PLXDC1: variants seen among roughly 807,000 people sequenced by gnomAD.
PLXDC1 encodes plexin domain containing 1, also known as plexin domain-containing protein 1.
PLXDC1 carries 39 observed loss-of-function variants against 61.3 expected under a neutral mutation model. That is an observed-to-expected ratio of 0.64 (90% CI 0.49 to 0.83). The LOEUF (loss-of-function observed/expected upper bound fraction) is 0.83, where lower values mean the gene tolerates loss of function less well. Among genes scored for constraint, PLXDC1 ranks in the 40% least tolerant of loss-of-function variants. The pLI, the probability that PLXDC1 is intolerant of heterozygous loss-of-function variation, is 0.00. For missense variants in PLXDC1, 596 were observed against 666.5 expected (o/e 0.89, Z 1.17); for synonymous variants, 212 against 254.5 (o/e 0.83, Z 1.59).
chr17:39,101,485 C>T (rs1049512755), intron 7 of PLXDC1, among the ~76,000 whole-genome samples: 4 of 152,116 alleles, frequency 2.6e-5, no homozygotes, highest in East Asian at 1.9e-4. Flanking sequence ...AAAAGGGAGA[C>T]GGAGAAGAAG....
intron 2 of PLXDC1, among the ~76,000 whole-genome samples, chr17:39,125,254 C>G (rs1911280771): frequency 1.3e-5 from 2 of 152,226 alleles, no homozygotes; most frequent in Non-Finnish European, 2.9e-5. Flanking sequence ...GGAAGTATGT[C>G]CCCTGGTATA....
At chr17:39,144,544 G>A (rs941928632) in intron 1 of PLXDC1, among the ~76,000 whole-genome samples, 3 of 152,234 alleles carry the variant, frequency 2.0e-5, no homozygotes, top group Non-Finnish European at 2.9e-5. Context: ...ACTCATGAAA[G>A]AAGCCAACAC....
intron 9 of PLXDC1, among the ~76,000 whole-genome samples, chr17:39,082,561 C>T: frequency 1.9e-5 from 1 of 53,146 alleles, no homozygotes; most frequent in Non-Finnish European, 4.0e-5. Flanking sequence ...GCAAAACTCT[C>T]TCAAAAAAAA....
intron 7 of PLXDC1, among the ~76,000 whole-genome samples, chr17:39,099,688 G>GA (rs1567760543): frequency 2.0e-5 from 3 of 152,188 alleles, no homozygotes; most frequent in Non-Finnish European, 4.4e-5. Flanking sequence ...ATAGCTGTGT[G>GA]ACCAAGGATA....
At position 39,066,129 on chromosome 17, in the gene PLXDC1, C is replaced by A. The variant is rs1163480326; in HGVS notation, c.*1711G>T. ...ACTTGTCTTTAATGCCTATAAAATC[C>A]AGTTCAGAGGAGGAAAAATATTTAT... On this transcript the variant is annotated 3_prime_UTR_variant, in exon 14 of 14. Coordinates refer to ENST00000315392, the MANE Select transcript of PLXDC1 (RefSeq NM_020405.5). The A allele has an allele frequency of 2.0e-5, 3 of 152,234 alleles. No homozygotes were observed. Among genetic ancestry groups the A allele is most frequent in the African/African-American group, 7.2e-5 (3 of 41,428 alleles). 9.4% of individuals were successfully genotyped at this position (152,234 alleles called of 1,614,324 possible).
At chr17:39,107,854 T>G (rs1910653863) in intron 5 of PLXDC1, 1 of 570,310 alleles carries the variant, frequency 1.8e-6, no homozygotes, top group South Asian at 2.1e-5. Flanking sequence ...GACATCCTGG[T>G]GAATGTAAGT....
chr17:39,117,542 G>A (rs1027371268), intron 2 of PLXDC1, among the ~76,000 whole-genome samples: 1 of 151,486 alleles, frequency 6.6e-6, no homozygotes, highest in Non-Finnish European at 1.5e-5. Flanking sequence ...ACCAGCTTGG[G>A]CAACATAGTG....
At chr17:39,102,705 T>TACACACACACACACACACACACACAC (rs553513409) in intron 7 of PLXDC1, among the ~76,000 whole-genome samples, 4 of 136,052 alleles carry the variant, frequency 2.9e-5, no homozygotes, top group African/African-American at 1.1e-4. Context: ...TGCTATCAAA[T>TACACACACACACACACACACACACAC]ACACACACAC....
At position 39,139,700 on chromosome 17, in the gene PLXDC1, C is replaced by T. The variant is rs1320179831; in HGVS notation, c.209G>A (p.Gly70Asp). ...TGGCAGCGTGTCCATGGCCAGGGTGCCCCCACCCAGGTCCTGGCTCAGCTG... is the reference window on the plus strand; with the variant it reads ...TGGCAGCGTGTCCATGGCCAGGGTGTCCCCACCCAGGTCCTGGCTCAGCTG... Reference protein sequence around the residue: ...RTQLSQDLGGGTLAMDTLPDN... With the variant: ...RTQLSQDLGGDTLAMDTLPDN... The change falls in exon 2 of 14, where the codon GGC becomes GAC. Residue 70 changes from glycine to aspartate, a missense_variant. Physicochemically the swap from Gly to Asp is moderately conservative, Grantham distance 94 (BLOSUM62 -1). Coordinates refer to ENST00000315392, the MANE Select transcript of PLXDC1 (RefSeq NM_020405.5). 3 of 1,613,792 alleles carry T rather than the reference C, an allele frequency of 1.9e-6. No individual in the cohort carries two copies. The highest frequency in any genetic ancestry group is 4.5e-5 in the East Asian group (2 of 44,880).
rs1469586371 is a variant in PLXDC1 at position 39,139,664 on chromosome 17, G to A, written c.245C>T (p.Thr82Ile). The A allele has an allele frequency of 3.1e-6, 5 of 1,612,688 alleles. No homozygotes were observed. The highest frequency in any genetic ancestry group is 4.2e-6 in the Non-Finnish European group (5 of 1,179,482). ...LAMDTLPDNR[T>I]RVVEDNHSYY... The stretch of plus-strand genomic sequence containing the variant: ...TCCTCCAGCACTCACCACCACCCTG[G>A]TCCTGTTATCTGGCAGCGTGTCCAT... Residue 82 changes from threonine (T) to isoleucine (I), a missense_variant, in exon 2 of 14, where the codon ACC becomes ATC. Thr to Ile is a moderately conservative substitution (Grantham distance 89, BLOSUM62 -1). Transcript: ENST00000315392.
chr17:39,075,953 C>A (rs1909311748), intron 11 of PLXDC1, among the ~76,000 whole-genome samples: 1 of 152,004 alleles, frequency 6.6e-6, no homozygotes, highest in Non-Finnish European at 1.5e-5. Context: ...TGGTGTGCAC[C>A]TGTAGTCCCA....
chr17:39,132,930 A>C (rs1911612524), intron 2 of PLXDC1, among the ~76,000 whole-genome samples: 1 of 152,126 alleles, frequency 6.6e-6, no homozygotes, highest in South Asian at 2.1e-4. Context: ...CAGCTGTGAT[A>C]CCAGATGAAC....
At chr17:39,110,613 G>A (rs986750671) in intron 2 of PLXDC1, among the ~76,000 whole-genome samples, 4 of 152,212 alleles carry the variant, frequency 2.6e-5, no homozygotes, top group East Asian at 3.9e-4. Context: ...AGGTGGGGCC[G>A]CTGACCTGTG....
chr17:39,110,685 A>T (rs760701697), intron 2 of PLXDC1, among the ~76,000 whole-genome samples: 4 of 152,210 alleles, frequency 2.6e-5, no homozygotes, highest in Non-Finnish European at 5.9e-5. Context: ...AGCAGAGTAA[A>T]CGACATTCTC....
At position 39,107,059 on chromosome 17, in the gene PLXDC1, C is replaced by T. The variant is rs546731232; in HGVS notation, c.711+348G>A. 7.0e-4 allele frequency among the ~76,000 whole-genome samples: 107 copies of T among 152,236 alleles called. 1 individual carries two copies. The highest frequency in any genetic ancestry group is 2.5e-3 in the Admixed American group (38 of 15,286). On this transcript the variant is annotated intron_variant, in intron 6 of 13. Coordinates refer to ENST00000315392, the MANE Select transcript of PLXDC1 (RefSeq NM_020405.5). The stretch of plus-strand genomic sequence containing the variant: ...CTCCTAGAACATACTTCACTCTCCT[C>T]TTTGCTTCCTGAACTCGTATTTATC...
chr17:39,098,083 T>C (rs1220432199), intron 7 of PLXDC1, among the ~76,000 whole-genome samples: 7 of 151,334 alleles, frequency 4.6e-5, no homozygotes, highest in African/African-American at 1.5e-4. Context: ...CGGGCACCTA[T>C]AATCACAGCT....
chr17:39,078,181 CA>C lies in PLXDC1; in HGVS notation c.1051-134del. 3.5e-6 allele frequency: 3 copies of C among 857,402 alleles called. No homozygotes were observed. In the South Asian group the frequency reaches 5.6e-5, roughly 16 times the overall value. 53.1% of individuals were successfully genotyped at this position (857,402 alleles called of 1,614,324 possible). A position where few individuals can be genotyped will look rare whatever the true frequency, so the allele number is the denominator to read the frequency against. On this transcript the variant is annotated intron_variant, in intron 10 of 13. Coordinates refer to ENST00000315392, the MANE Select transcript of PLXDC1 (RefSeq NM_020405.5). ...TTCCTCAAGGAAGGGGCTGAGATGC[CA>C]ATCTTAAATAAATAGAGCAAATCTG...
intron 8 of PLXDC1, among the ~76,000 whole-genome samples, chr17:39,086,320 C>T (rs1341805581): frequency 2.6e-5 from 4 of 152,178 alleles, no homozygotes; most frequent in African/African-American, 9.7e-5. Context: ...AGTGTCCCAG[C>T]CCTGTGACCC....
chr17:39,102,254 G>A (rs1454590953), intron 7 of PLXDC1, among the ~76,000 whole-genome samples: 2 of 152,142 alleles, frequency 1.3e-5, no homozygotes, highest in Admixed American at 1.3e-4. Flanking sequence ...AGCCCTTGAG[G>A]TAGCTCGAGG....
Sources: allele counts gnomAD v4.1 joint callset (sites outside exome capture counted in the v4.1 genomes callset), GRCh38; gene constraint gnomAD v4.1.1; transcripts MANE v1.5; gene names NCBI Gene and HGNC (gene_info 2026-07-23, HGNC 2026-07-21).